PFKP: variants seen among roughly 807,000 people sequenced by gnomAD.
The protein encoded by PFKP is ATP-dependent 6-phosphofructokinase, platelet type.
In PFKP, 101 loss-of-function variants were observed where a neutral mutation model predicts 94.3. That is an observed-to-expected ratio of 1.07 (90% confidence interval 0.91 to 1.26). The LOEUF (loss-of-function observed/expected upper bound fraction) is 1.26. Among genes scored for constraint, PFKP ranks in the 50% most tolerant of loss-of-function variants. The pLI is 0.00. For synonymous variants in PFKP, 573 were observed against 432.6 expected, an observed-to-expected ratio of 1.32 and a Z score of -4.03; for missense variants, 1,145 against 1,103.3, an observed-to-expected ratio of 1.04 and a Z score of -0.53.
chr10:3,133,192 G>T lies in PFKP; in HGVS notation c.1911-11G>T. On this transcript the variant is annotated splice_polypyrimidine_tract_variant and intron_variant, in intron 18 of 21. Coordinates refer to ENST00000381125, the MANE Select transcript of PFKP (RefSeq NM_002627.5). ...ACGCTAAACAAAGTGACTCCTTCTC[G>T]CTCGTTTCAGAAATGAGAGCTGCAG... The T allele has an allele frequency of 6.2e-7, 1 of 1,604,234 alleles. No individual in the cohort carries two copies. The highest frequency in any genetic ancestry group is 8.5e-7 in the Non-Finnish European group (1 of 1,171,150).
At chr10:3,093,493 G>T (rs578089927) in intron 2 of PFKP, among the ~76,000 whole-genome samples, 1 of 152,108 alleles carries the variant, frequency 6.6e-6, no homozygotes, top group African/African-American at 2.4e-5. Flanking sequence ...CCACTAACAC[G>T]CGTGCGTGCT....
intron 4 of PFKP, 82 bp from the exon 5 acceptor site, chr10:3,103,697 C>T: frequency 1.5e-6 from 2 of 1,367,404 alleles, no homozygotes; most frequent in Non-Finnish European, 2.1e-6. Flanking sequence ...TACCCATGGC[C>T]ATTCTGCCTC....
In PFKP at chr10:3,129,807, C is replaced by T. The variant is rs1838360339; in HGVS notation, c.1684-12C>T. 3.7e-6 allele frequency: 6 copies of T among 1,613,114 alleles called. No homozygotes were observed. Among genetic ancestry groups the T allele is most frequent in the Non-Finnish European group, 5.1e-6 (6 of 1,179,854 alleles). On this transcript the variant is annotated splice_polypyrimidine_tract_variant and intron_variant, in intron 16 of 21. Transcript: ENST00000381125. ...CCTGGGCTGGAGTGACTGATCGCTT[C>T]TCTGTGACCAGACCTGCGACCGCAT...
At chr10:3,110,259 C>T (rs1421168301) in intron 10 of PFKP, among the ~76,000 whole-genome samples, 1 of 151,780 alleles carries the variant, frequency 6.6e-6, no homozygotes, top group South Asian at 2.1e-4. Flanking sequence ...AGTGCAGTGG[C>T]GTGATCTTGG....
Position 3,118,802 on chromosome 10 carries a change from T to C in PFKP, c.1463T>C (p.Leu488Ser). The change falls in exon 15 of 22, where the codon TTG (leucine) becomes TCG (serine). Residue 488 changes from leucine to serine, a missense_variant. By Grantham distance (145) the Leu-to-Ser change is moderately radical (BLOSUM62 -2). Transcript: ENST00000381125. ...TTCAGCGTTCTCCCGGGGAAGTACT[T>C]GGAAGAGATCGCCACACAGATGCGC... The part of the protein sequence containing the change: ...GTKRVLPGKY[L>S]EEIATQMRTH... 2 of 1,613,620 alleles carry C rather than the reference T, an allele frequency of 1.2e-6. No individual in the cohort carries two copies. The highest frequency in any genetic ancestry group is 1.7e-6 in the Non-Finnish European group (2 of 1,179,712).
At chr10:3,096,545 A>T (rs1215183198) in intron 2 of PFKP, among the ~76,000 whole-genome samples, 1 of 152,018 alleles carries the variant, frequency 6.6e-6, no homozygotes, top group African/African-American at 2.4e-5. Context: ...ATCATGGGTC[A>T]TCTTTTCTCT....
intron 18 of PFKP, among the ~76,000 whole-genome samples, chr10:3,132,959 A>C (rs1474490135): frequency 1.3e-5 from 2 of 152,258 alleles, no homozygotes; most frequent in Non-Finnish European, 2.9e-5. Flanking sequence ...ATGGTGTGCA[A>C]TTTAAAACTT....
At chr10:3,079,657 C>CGGGGGGGGGGGGGGGGGGGGGGGGGGG (rs1456588977) in intron 1 of PFKP, among the ~76,000 whole-genome samples, 1 of 7,794 alleles carries the variant, frequency 1.3e-4, no homozygotes, top group Non-Finnish European at 3.1e-4. Flanking sequence ...CTTCAGAGAG[C>CGGGGGGGGGGGGGGGGGGGGGGGGGGG]GGGGTGGGGG....
intron 16 of PFKP, among the ~76,000 whole-genome samples, chr10:3,126,018 C>T (rs192832618): frequency 2.0e-5 from 3 of 152,316 alleles, no homozygotes; most frequent in South Asian, 2.1e-4. Flanking sequence ...GCCTGCATCG[C>T]GTGCGGGGAC....
intron 13 of PFKP, 113 bp from the exon 14 acceptor site, chr10:3,116,663 C>G (rs112477278): frequency 1.2e-6 from 1 of 824,226 alleles, no homozygotes; most frequent in Non-Finnish European, 2.1e-6. Flanking sequence ...ATACGCCTCT[C>G]AAATCTTTAC....
At position 3,112,265 on chromosome 10, in the gene PFKP, A is replaced by G. The variant is rs1252535686; in HGVS notation, c.1133A>G (p.Asp378Gly). The change falls in exon 11 of 22, where the codon GAT (aspartate) becomes GGT (glycine). Residue 378 changes from aspartate to glycine, a missense_variant. By Grantham distance (94) the Asp-to-Gly change is moderately conservative (BLOSUM62 -1). Coordinates refer to ENST00000381125, the MANE Select transcript of PFKP (RefSeq NM_002627.5). ...QKAMDERRFQ[D>G]AVRLRGRSFA... Reference sequence around the variant, plus strand: ...GCGATGGACGAGAGGAGATTTCAAGATGCGGTTCGACTCCGAGGGAGGTGA... The same window carrying G: ...GCGATGGACGAGAGGAGATTTCAAGGTGCGGTTCGACTCCGAGGGAGGTGA... The G allele has an allele frequency of 1.9e-6, 3 of 1,613,824 alleles. 1 individual carries two copies. The South Asian group carries it at 3.3e-5, about 18-fold the overall frequency.
intron 16 of PFKP, among the ~76,000 whole-genome samples, chr10:3,124,089 G>GGCT (rs1837695167): frequency 1.4e-5 from 2 of 148,074 alleles, no homozygotes; most frequent in African/African-American, 4.9e-5. Context: ...GGCCCACACG[G>GGCT]GCTCCAGGCC....
At chr10:3,076,387 C>G (rs998676639) in intron 1 of PFKP, among the ~76,000 whole-genome samples, 1 of 152,050 alleles carries the variant, frequency 6.6e-6, no homozygotes, top group Non-Finnish European at 1.5e-5. Flanking sequence ...GCCGCGCCCC[C>G]GCCCCAGCCC....
At chr10:3,093,871 C>T (rs182692906) in intron 2 of PFKP, among the ~76,000 whole-genome samples, 44 of 152,248 alleles carry the variant, frequency 2.9e-4, no homozygotes, top group African/African-American at 1.0e-3. Flanking sequence ...TCTCCATCTC[C>T]TGACCTTGTG....
intron 2 of PFKP, among the ~76,000 whole-genome samples, chr10:3,092,674 A>T (rs1347920071): frequency 8.7e-6 from 1 of 114,792 alleles, no homozygotes; most frequent in African/African-American, 2.7e-5. Flanking sequence ...GTGTCAATAA[A>T]ATTGAAAAAA....
intron 1 of PFKP, among the ~76,000 whole-genome samples, chr10:3,076,507 G>A (rs1438959131): frequency 1.3e-5 from 2 of 152,006 alleles, no homozygotes; most frequent in South Asian, 2.1e-4. Flanking sequence ...CAGGCTCTCC[G>A]ATTGTCAATG....
chr10:3,135,148 A>C (rs550342250), intron 20 of PFKP, among the ~76,000 whole-genome samples: 4 of 152,164 alleles, frequency 2.6e-5, no homozygotes, highest in African/African-American at 9.6e-5. Context: ...GCTGTTCCCC[A>C]CTCATTCCTG....
chr10:3,076,530 T>A (rs1588388270), intron 1 of PFKP, among the ~76,000 whole-genome samples: 2 of 152,078 alleles, frequency 1.3e-5, no homozygotes, highest in Non-Finnish European at 2.9e-5. Context: ...AGCCCCTCCC[T>A]GTCCTCCACA....
At chr10:3,099,454 A>C (rs1367375078) in intron 3 of PFKP, 102 bp downstream of exon 3, 3 of 898,954 alleles carry the variant, frequency 3.3e-6, no homozygotes, top group African/African-American at 1.6e-5. Flanking sequence ...CGAAATAGAG[A>C]TTATGTGGAC....
Sources: gnomAD v4.1 joint callset for allele counts (sites outside exome capture counted in the v4.1 genomes callset) on GRCh38, gnomAD v4.1.1 for gene constraint, MANE v1.5 for transcripts, NCBI Gene and HGNC (gene_info 2026-07-23, HGNC 2026-07-21) for gene names.